Variants in PROS1 observed in about 807,000 individuals in gnomAD.
PROS1 encodes the protein protein S, also known as vitamin K-dependent protein S.
PROS1 carries 29 observed loss-of-function variants against 75.9 expected under a neutral mutation model. The observed-to-expected ratio is 0.38, with a 90% CI of 0.28 to 0.52. The LOEUF (loss-of-function observed/expected upper bound fraction) is 0.52, where lower values mean the gene tolerates loss of function less well. PROS1 is among the 20% of genes least tolerant of loss of function. PROS1 has a pLI of 0.83. For synonymous variants in PROS1, 245 were observed against 280.6 expected (o/e 0.87, Z 1.27); for missense variants, 680 against 810.3 (o/e 0.84, Z 1.95).
chr3:93,928,827 T>A, intron 1 of PROS1: 1 of 924,120 alleles, frequency 1.1e-6, no homozygotes, highest in African/African-American at 1.7e-5. Context: ...AACAATCATA[T>A]AAACCATCAC....
chr3:93,961,821 C>T (rs1709709647), intron 1 of PROS1, among the ~76,000 whole-genome samples: 1 of 152,178 alleles, frequency 6.6e-6, no homozygotes, highest in African/African-American at 2.4e-5. Flanking sequence ...CATCCTAGAC[C>T]AATCTTGGCA....
At chr3:93,879,651 T>G (rs1036612076) in intron 12 of PROS1, among the ~76,000 whole-genome samples, 5 of 152,196 alleles carry the variant, frequency 3.3e-5, no homozygotes, top group African/African-American at 1.2e-4. Context: ...AGAGTGGTCA[T>G]ATTTCCAAGC....
At chr3:93,954,430 C>T (rs1225604391) in intron 1 of PROS1, among the ~76,000 whole-genome samples, 1 of 152,166 alleles carries the variant, frequency 6.6e-6, no homozygotes. Flanking sequence ...CACACATCTA[C>T]AACCACCTGA....
chr3:93,915,495 G>A (rs906568788), intron 3 of PROS1, among the ~76,000 whole-genome samples: 6 of 152,190 alleles, frequency 3.9e-5, no homozygotes, highest in African/African-American at 1.4e-4. Context: ...ATAAATTAAT[G>A]CAGCCACACA....
rs141122478 is a variant in PROS1 at position 93,874,295 on chromosome 3, T to C, written c.1981A>G (p.Ile661Val). 6.2e-6 allele frequency: 10 copies of C among 1,613,398 alleles called. No homozygotes were observed. Among genetic ancestry groups the C allele is most frequent in the Non-Finnish European group, 7.6e-6 (9 of 1,179,546 alleles). The stretch of plus-strand genomic sequence containing the variant: ...ACTGATGGACATGAGTGAGCTCTAA[T>C]ATCATTATGTTTAGAAATGGCTTCA... The part of the protein sequence containing the change: ...LDEAISKHND[I>V]RAHSCPSVWK... Residue 661 changes from isoleucine to valine, a missense_variant, in exon 15 of 15, where the codon ATT (isoleucine) becomes GTT (valine). Ile to Val is a conservative substitution (Grantham distance 29). Coordinates refer to ENST00000394236, the MANE Select transcript of PROS1 (RefSeq NM_000313.4).
At chr3:93,890,185 G>C (rs1433495690) in intron 10 of PROS1, among the ~76,000 whole-genome samples, 2 of 152,042 alleles carry the variant, frequency 1.3e-5, no homozygotes, top group Non-Finnish European at 2.9e-5. Context: ...TTAGGGTGGG[G>C]AAAAAACCCC....
intron 3 of PROS1, chr3:93,910,991 A>C (rs536268452): frequency 2.6e-6 from 1 of 385,276 alleles, no homozygotes; most frequent in South Asian, 2.6e-5. Context: ...GATTTAGCAT[A>C]GAAATTTATT....
chr3:93,946,616 A>C (rs1381383428), intron 1 of PROS1, among the ~76,000 whole-genome samples: 4 of 152,184 alleles, frequency 2.6e-5, no homozygotes, highest in African/African-American at 9.7e-5. Flanking sequence ...TAGAAAGCTG[A>C]AACTGGATCC....
intron 13 of PROS1, 135 bp downstream of exon 13, chr3:93,879,028 G>C (rs1708237003): frequency 2.2e-6 from 2 of 911,466 alleles, no homozygotes; most frequent in Non-Finnish European, 3.3e-6. Flanking sequence ...TGATGTGCTG[G>C]AGATTGTGCC....
chr3:93,952,954 A>C (rs1318236281), intron 1 of PROS1, among the ~76,000 whole-genome samples: 1 of 152,136 alleles, frequency 6.6e-6, no homozygotes, highest in Non-Finnish European at 1.5e-5. Context: ...TAAACACCTC[A>C]ATGCAAATCA....
chr3:93,925,295 C>G (rs573093917), intron 2 of PROS1, among the ~76,000 whole-genome samples: 1 of 152,282 alleles, frequency 6.6e-6, no homozygotes, highest in South Asian at 2.1e-4. Context: ...AACATAAGCT[C>G]ATCCAGAACT....
intron 1 of PROS1, among the ~76,000 whole-genome samples, chr3:93,949,606 G>GA (rs570938756): frequency 1.3e-5 from 2 of 151,534 alleles, no homozygotes; most frequent in Non-Finnish European, 2.9e-5. Context: ...AAATCTATAA[G>GA]AAAAAAAGCT....
At chr3:93,906,863 TG>T (rs1286939548) in intron 4 of PROS1, among the ~76,000 whole-genome samples, 2 of 152,146 alleles carry the variant, frequency 1.3e-5, no homozygotes, top group African/African-American at 2.4e-5. Context: ...CCTAGCTGGG[TG>T]GGCATAAGCT....
intron 13 of PROS1, among the ~76,000 whole-genome samples, chr3:93,877,453 C>T (rs1473160089): frequency 2.6e-5 from 4 of 152,066 alleles, no homozygotes; most frequent in East Asian, 3.8e-4. Context: ...CTGAAAATTC[C>T]GTAAAACAAC....
At chr3:93,920,103 T>C (rs1386775822) in intron 3 of PROS1, among the ~76,000 whole-genome samples, 3 of 152,136 alleles carry the variant, frequency 2.0e-5, no homozygotes, top group African/African-American at 7.2e-5. Context: ...TCTGAACATA[T>C]AAATTTGAGG....
At chr3:93,925,443 T>C (rs1483068784) in intron 2 of PROS1, among the ~76,000 whole-genome samples, 1 of 151,862 alleles carries the variant, frequency 6.6e-6, no homozygotes, top group Non-Finnish European at 1.5e-5. Flanking sequence ...ACTGGAAATG[T>C]GGACTGTGGT....
intron 9 of PROS1, among the ~76,000 whole-genome samples, chr3:93,895,084 C>T (rs575414781): frequency 2.4e-4 from 36 of 152,202 alleles, no homozygotes; most frequent in African/African-American, 7.2e-4. Context: ...CATCCTCTCA[C>T]GTACTTTAAG....
intron 1 of PROS1, among the ~76,000 whole-genome samples, chr3:93,960,675 C>G (rs1261909078): frequency 6.6e-6 from 1 of 150,574 alleles, no homozygotes; most frequent in South Asian, 2.1e-4. Flanking sequence ...TTTTGCCAAG[C>G]CATCAAGATT....
At chr3:93,904,441 A>G (rs1160081091) in intron 6 of PROS1, among the ~76,000 whole-genome samples, 1 of 152,190 alleles carries the variant, frequency 6.6e-6, no homozygotes, top group Non-Finnish European at 1.5e-5. Flanking sequence ...AATGTAGTTC[A>G]CTTTAGAGTC....
Sources: gnomAD v4.1 joint callset for allele counts (sites outside exome capture counted in the v4.1 genomes callset) on GRCh38, gnomAD v4.1.1 for gene constraint, MANE v1.5 for transcripts, NCBI Gene and HGNC (gene_info 2026-07-23, HGNC 2026-07-21) for gene names.